The following GPALPP1 variants were observed in gnomAD, a reference collection of about 807,000 sequenced individuals.
GPALPP1 encodes the protein GPALPP motifs containing 1, also known as GPALPP motifs-containing protein 1.
Under a neutral mutation model 38.9 loss-of-function variants are expected in GPALPP1, and 30 were observed. The observed-to-expected ratio is 0.77, with a 90% CI of 0.58 to 1.05. The LOEUF (loss-of-function observed/expected upper bound fraction) is 1.05. Among genes scored for constraint, GPALPP1 ranks in the 50% least tolerant of loss-of-function variants. The pLI is 0.00. For missense variants in GPALPP1, 384 were observed against 408.8 expected (o/e 0.94, Z 0.52); for synonymous variants, 120 against 139.2 (o/e 0.86, Z 0.97).
chr13:45,027,529 A>C (rs1186144007), intron 7 of GPALPP1, among the ~76,000 whole-genome samples: 1 of 152,192 alleles, frequency 6.6e-6, no homozygotes, highest in Non-Finnish European at 1.5e-5. Flanking sequence ...ATGAAGTGAC[A>C]ATATGATTGC....
intron 3 of GPALPP1, 108 bp downstream of exon 3, chr13:45,006,411 T>C (rs1282168783): frequency 3.4e-6 from 2 of 581,656 alleles, no homozygotes; most frequent in Admixed American, 2.8e-5. Context: ...GAAATATTTA[T>C]ATAACATTTT....
intron 1 of GPALPP1, chr13:45,002,041 T>C (rs1393616686): frequency 6.6e-6 from 1 of 152,434 alleles, no homozygotes; most frequent in Non-Finnish European, 1.5e-5. Context: ...TCTTGTCTAT[T>C]GTCCACAAGC....
At chr13:45,006,599 G>A (rs1874120523) in intron 3 of GPALPP1, among the ~76,000 whole-genome samples, 2 of 152,102 alleles carry the variant, frequency 1.3e-5, no homozygotes, top group Admixed American at 1.3e-4. Context: ...AACAGATAAG[G>A]TCACACACAT....
At chr13:45,023,422 C>G (rs1056480593) in intron 7 of GPALPP1, among the ~76,000 whole-genome samples, 25 of 152,206 alleles carry the variant, frequency 1.6e-4, no homozygotes, top group African/African-American at 5.8e-4. Context: ...ATGTATTCCT[C>G]TGTCTCTATT....
chr13:44,998,724 T>C (rs1873464586), intron 1 of GPALPP1, among the ~76,000 whole-genome samples: 1 of 152,226 alleles, frequency 6.6e-6, no homozygotes, highest in South Asian at 2.1e-4. Context: ...AAAGATGGGT[T>C]GGGTGCCCCT....
chr13:45,004,336 A>C lies in GPALPP1; in HGVS notation c.120A>C (p.Lys40Asn), dbSNP rs1566075396. Reference sequence around the variant, plus strand: ...GACCAGCTCTGCCCCCTAATTATAAAAGCAGTAGTTCAGATTCATCAGACA... The same window carrying C: ...GACCAGCTCTGCCCCCTAATTATAACAGCAGTAGTTCAGATTCATCAGACA... ...VAGPALPPNY[K>N]SSSSDSSDSD... Residue 40 changes from lysine to asparagine, a missense_variant, in exon 2 of 8, where the codon AAA (lysine) becomes AAC (asparagine). By Grantham distance (94) the Lys-to-Asn change is moderately conservative (BLOSUM62 0). Transcript: ENST00000379151. 1 of 1,611,550 alleles carries C rather than the reference A, an allele frequency of 6.2e-7. No homozygotes were observed. Among genetic ancestry groups the C allele is most frequent in the Non-Finnish European group, 8.5e-7 (1 of 1,177,866 alleles).
At position 45,007,609 on chromosome 13, in the gene GPALPP1, C is replaced by T. The variant is rs1341262; in HGVS notation, c.324-1186C>T. 4.2e-3 allele frequency among the ~76,000 whole-genome samples: 639 copies of T among 152,256 alleles called. 4 individuals carry two copies. Among genetic ancestry groups the T allele is most frequent in the African/African-American group, 0.015 (606 of 41,530 alleles). On this transcript the variant is annotated intron_variant, in intron 3 of 7. Coordinates refer to ENST00000379151, the MANE Select transcript of GPALPP1 (RefSeq NM_018559.5). The stretch of plus-strand genomic sequence containing the variant: ...CCCTGTCTTTCATAAGCAAATTGTT[C>T]TGCTCAAAGAAGTTTCATGAATCAA...
Position 44,995,204 on chromosome 13 carries a change from C to CACACACACACACACACACA in GPALPP1, c.88+5462_88+5463insACACACACACACACACACA, listed in dbSNP as rs1873177516. Among the ~76,000 whole-genome samples the CACACACACACACACACACA allele has an allele frequency of 3.5e-4, 4 of 11,412 alleles. No homozygotes were observed. The South Asian group carries it at 0.018, about 50-fold the overall frequency. 7.5% of individuals were successfully genotyped at this position (11,412 alleles called of 152,430 possible). On this transcript the variant is annotated intron_variant, in intron 1 of 7. Transcript: ENST00000379151. ...CACACACACACACACACACACACAC[C>CACACACACACACACACACA]CCTTCTCTTTTGGTTTCTATGATAC...
At chr13:45,007,124 A>G (rs1006828523) in intron 3 of GPALPP1, among the ~76,000 whole-genome samples, 37 of 152,130 alleles carry the variant, frequency 2.4e-4, no homozygotes, top group African/African-American at 8.9e-4. Flanking sequence ...TGATTTTTGC[A>G]TTTTTGAGAG....
chr13:44,996,931 AT>A (rs1402559263), intron 1 of GPALPP1, among the ~76,000 whole-genome samples: 4 of 151,698 alleles, frequency 2.6e-5, no homozygotes, highest in African/African-American at 9.7e-5. Context: ...TTACCAACAT[AT>A]CCACATCTCT....
intron 7 of GPALPP1, among the ~76,000 whole-genome samples, chr13:45,023,597 A>G (rs1242875672): frequency 6.6e-6 from 1 of 152,170 alleles, no homozygotes; most frequent in African/African-American, 2.4e-5. Context: ...CTACAACTCC[A>G]TTCTTTCTCA....
At chr13:44,995,943 G>GC (rs1035807721) in intron 1 of GPALPP1, among the ~76,000 whole-genome samples, 1 of 152,136 alleles carries the variant, frequency 6.6e-6, no homozygotes, top group Non-Finnish European at 1.5e-5. Context: ...TTGCTGGTTT[G>GC]CCCCACTAAA....
At chr13:45,019,028 TATATACATAGAAATATATAAATATAA>T (rs1875136921) in intron 6 of GPALPP1, among the ~76,000 whole-genome samples, 5 of 40,184 alleles carry the variant, frequency 1.2e-4, no homozygotes, top group Admixed American at 1.1e-3. Flanking sequence ...CACATATAAA[TATATACATAGAAATATATAAATATAA>T]ATATATACAT....
chr13:45,004,222 A>G, intron 1 of GPALPP1, 83 bp from the exon 2 acceptor site: 1 of 1,115,288 alleles, frequency 9.0e-7, no homozygotes, highest in Non-Finnish European at 1.3e-6. Context: ...TGTTTATTTC[A>G]GAAAAGAAAG....
At chr13:45,018,270 G>A (rs144001530) in intron 6 of GPALPP1, among the ~76,000 whole-genome samples, 23 of 152,158 alleles carry the variant, frequency 1.5e-4, no homozygotes, top group African/African-American at 3.6e-4. Context: ...GGTGGCGGGC[G>A]CCTGTAGTCG....
At position 44,989,730 on chromosome 13, in the gene GPALPP1, G is replaced by A. The variant is rs759361277; in HGVS notation, c.76G>A (p.Asp26Asn). 7.5e-6 allele frequency: 12 copies of A among 1,608,752 alleles called. No homozygotes were observed. Among genetic ancestry groups the A allele is most frequent in the Non-Finnish European group, 1.0e-5 (12 of 1,179,322 alleles). ...CGGAACAGCGGAGGACGAAGAGCGG[G>A]ACCCGAGCCCTGGTAAGCGGCGGCG... ...ARGTAEDEER[D>N]PSPVAGPALP... Residue 26 changes from aspartate (D) to asparagine (N), a missense_variant, in exon 1 of 8, where the codon GAC becomes AAC. By Grantham distance (23) the Asp-to-Asn change is conservative (BLOSUM62 1). Coordinates refer to ENST00000379151, the MANE Select transcript of GPALPP1 (RefSeq NM_018559.5).
At chr13:44,993,504 G>A (rs1340118764) in intron 1 of GPALPP1, among the ~76,000 whole-genome samples, 2 of 152,064 alleles carry the variant, frequency 1.3e-5, no homozygotes, top group Non-Finnish European at 2.9e-5. Flanking sequence ...AGGCGTGGTG[G>A]ATTACCCAGA....
At chr13:45,024,778 A>C (rs1875720193) in intron 7 of GPALPP1, among the ~76,000 whole-genome samples, 1 of 151,950 alleles carries the variant, frequency 6.6e-6, no homozygotes, top group Admixed American at 6.6e-5. Flanking sequence ...AAATACAAAA[A>C]TTAGCTGAGC....
intron 7 of GPALPP1, among the ~76,000 whole-genome samples, chr13:45,023,692 T>G (rs1232524083): frequency 6.6e-6 from 1 of 152,198 alleles, no homozygotes; most frequent in East Asian, 1.9e-4. Flanking sequence ...CCAACTCTTG[T>G]TAGCCTGTCA....
Sources: allele counts gnomAD v4.1 joint callset (sites outside exome capture counted in the v4.1 genomes callset), GRCh38; gene constraint gnomAD v4.1.1; transcripts MANE v1.5; gene names NCBI Gene and HGNC (gene_info 2026-07-23, HGNC 2026-07-21).